AGO1: variants seen among roughly 807,000 people sequenced by gnomAD.
AGO1 encodes the protein argonaute RISC component 1.
In AGO1, 11 loss-of-function variants were observed where a neutral mutation model predicts 109.2. That is an observed-to-expected ratio of 0.10 (90% CI 0.06 to 0.17). The LOEUF (loss-of-function observed/expected upper bound fraction) is 0.17, where lower values mean the gene tolerates loss of function less well. Ranked by LOEUF, AGO1 falls within the 10% of genes least tolerant of loss-of-function variation. The pLI, the probability that AGO1 is intolerant of heterozygous loss-of-function variation, is 1.00. For synonymous variants in AGO1, 422 were observed against 418.6 expected, an observed-to-expected ratio of 1.01 and a Z score of -0.10; for missense variants, 574 against 1,140.3, an observed-to-expected ratio of 0.50 and a Z score of 7.15.
Position 35,888,027 on chromosome 1 carries a change from G to T in AGO1, c.26-400G>T, listed in dbSNP as rs1418172442. ...TATTCAGCATGGTGGCGAATGGAGTGAGCATCTGGCTGGCAGAGAATAGAA... is the reference window on the plus strand; with the variant it reads ...TATTCAGCATGGTGGCGAATGGAGTTAGCATCTGGCTGGCAGAGAATAGAA... On this transcript the variant is annotated intron_variant, in intron 1 of 18. Transcript: ENST00000373204. The surrounding 1 kb of genome is among the most constrained non-coding windows in gnomAD (Gnocchi z 4.1). Among the ~76,000 whole-genome samples the T allele has an allele frequency of 6.6e-6, 1 of 152,180 alleles. No individual in the cohort carries two copies. Among genetic ancestry groups the T allele is most frequent in the East Asian group, 1.9e-4 (1 of 5,196 alleles).
In AGO1 at chr1:35,893,451, C is replaced by A. The variant is rs1315791656; in HGVS notation, c.512+173C>A. ...ATATTTAGATGGTTTAAAGCCCTGG[C>A]CCTGAACTTCTTAGATATCTTTGGG... On this transcript the variant is annotated intron_variant, in intron 4 of 18. Transcript: ENST00000373204. This position sits in a 1 kb window ranked among gnomAD's most constrained non-coding sequence, Gnocchi z 5.6. 1.2e-6 allele frequency: 1 copy of A among 831,152 alleles called. No homozygotes were observed. Among genetic ancestry groups the A allele is most frequent in the Non-Finnish European group, 1.8e-6 (1 of 548,712 alleles). The allele number at this position is 831,152 out of a possible 1,614,324, so 51.5% of individuals were successfully genotyped here. A position where few individuals can be genotyped will look rare whatever the true frequency, so the allele number is the denominator to read the frequency against.
rs563824149 is a variant in AGO1, at chr1:35,893,050, C to T, written c.331-47C>T. ...AATCCATGGAGTTGGGGGTCATTCT[C>T]GCAGAGCAATGGCAATCCTTCATCC... On this transcript the variant is annotated intron_variant, in intron 3 of 18. Transcript: ENST00000373204. The surrounding 1 kb of genome is among the most constrained non-coding windows in gnomAD (Gnocchi z 5.6). 44 of 1,559,502 alleles carry T rather than the reference C, an allele frequency of 2.8e-5. 1 individual carries two copies. The South Asian group carries it at 3.9e-4, about 14-fold the overall frequency.
At chr1:35,873,069 T>A (rs993886538) in intron 1 of AGO1, among the ~76,000 whole-genome samples, 11 of 151,696 alleles carry the variant, frequency 7.3e-5, no homozygotes, top group Non-Finnish European at 1.6e-4. Flanking sequence ...TTTTTTTTTT[T>A]ATTGGAGTAT....
rs941259690 is a variant in AGO1 at position 35,920,812 on chromosome 1, A to G, written c.*1205A>G. 5.9e-5 allele frequency: 9 copies of G among 152,748 alleles called. No individual in the cohort carries two copies. Among genetic ancestry groups the G allele is most frequent in the African/African-American group, 2.2e-4 (9 of 41,574 alleles). The allele number at this position is 152,748 out of a possible 1,614,324, so 9.5% of individuals were successfully genotyped here. ...ATATTTCTTAACTGGGGTGTCTTATAACAAAAAACTCTTAGGTCTAAAATG... is the reference window on the plus strand; with the variant it reads ...ATATTTCTTAACTGGGGTGTCTTATGACAAAAAACTCTTAGGTCTAAAATG... On this transcript the variant is annotated 3_prime_UTR_variant, in exon 19 of 19. Coordinates refer to ENST00000373204, the MANE Select transcript of AGO1 (RefSeq NM_012199.5).
chr1:35,891,546 T>G (rs1433913927), intron 2 of AGO1, among the ~76,000 whole-genome samples: 1 of 152,160 alleles, frequency 6.6e-6, no homozygotes, highest in African/African-American at 2.4e-5. Context: ...TTGTTTTGTT[T>G]TGTTTTAATT....
Position 35,893,646 on chromosome 1 carries a change from G to T in AGO1, c.513-28G>T, listed in dbSNP as rs765039218. 2.5e-6 allele frequency: 4 copies of T among 1,589,810 alleles called. No individual in the cohort carries two copies. Among genetic ancestry groups the T allele is most frequent in the Non-Finnish European group, 3.4e-6 (4 of 1,164,486 alleles). On this transcript the variant is annotated intron_variant, in intron 4 of 18. Coordinates refer to ENST00000373204, the MANE Select transcript of AGO1 (RefSeq NM_012199.5). This position sits in a 1 kb window ranked among gnomAD's most constrained non-coding sequence, Gnocchi z 5.6. ...CACAGGGTGGGGGCCTGTGCCCGAG[G>T]GACCAGTTCTCTGCCTGTCCCTGCC...
chr1:35,919,833 C>T lies in AGO1; in HGVS notation c.*226C>T. 3.7e-6 allele frequency: 2 copies of T among 542,026 alleles called. No individual in the cohort carries two copies. Among genetic ancestry groups the T allele is most frequent in the South Asian group, 4.8e-5 (2 of 42,016 alleles). The allele number at this position is 542,026 out of a possible 1,614,324, so 33.6% of individuals were successfully genotyped here. A position where few individuals can be genotyped will look rare whatever the true frequency, so the allele number is the denominator to read the frequency against. The stretch of plus-strand genomic sequence containing the variant: ...AACCTCATGTCCCCCACCCCTCACC[C>T]CATCTTGTCACATCTGGCCCTGACC... On this transcript the variant is annotated 3_prime_UTR_variant, in exon 19 of 19. Coordinates refer to ENST00000373204, the MANE Select transcript of AGO1 (RefSeq NM_012199.5). The surrounding 1 kb of genome is among the most constrained non-coding windows in gnomAD (Gnocchi z 6.6).
chr1:35,881,793 G>C (rs1645039911), upstream of AGO1, among the ~76,000 whole-genome samples: 1 of 152,156 alleles, frequency 6.6e-6, no homozygotes, highest in Non-Finnish European at 1.5e-5. Context: ...TGTAAAGCAG[G>C]CATCAAAAAT....
chr1:35,876,225 T>C (rs1238451381), intron 1 of AGO1, among the ~76,000 whole-genome samples: 1 of 151,986 alleles, frequency 6.6e-6, no homozygotes, highest in East Asian at 1.9e-4. Context: ...AATCTCATGA[T>C]AAAACTTGAA....
intron 11 of AGO1, among the ~76,000 whole-genome samples, chr1:35,905,042 A>C (rs757249415): frequency 6.6e-6 from 1 of 152,230 alleles, no homozygotes; most frequent in Non-Finnish European, 1.5e-5. Context: ...TATCACCTTT[A>C]AGATGGGATT....
chr1:35,926,791 A>G lies in AGO1; in HGVS notation c.*7184A>G, dbSNP rs1299430009. On this transcript the variant is annotated 3_prime_UTR_variant, in exon 19 of 19. Transcript: ENST00000373204. ...ATTTGCTGGGGAATTAGATGCATTT[A>G]GTTTTCCACTTACGCACAACTGCCT... 6.6e-6 allele frequency: 1 copy of G among 152,166 alleles called. No individual in the cohort carries two copies. Among genetic ancestry groups the G allele is most frequent in the Non-Finnish European group, 1.5e-5 (1 of 68,038 alleles). 9.4% of individuals were successfully genotyped at this position (152,166 alleles called of 1,614,324 possible).
chr1:35,883,147 G>T (rs532639453), upstream of AGO1: 1 of 1,122,186 alleles, frequency 8.9e-7, no homozygotes, highest in East Asian at 5.0e-5. The surrounding 1 kb of genome is among the most constrained non-coding windows in gnomAD (Gnocchi z 5.4). Flanking sequence ...CTTTGTTGCC[G>T]TCGGAGCGCC....
chr1:35,911,803 TC>T (rs1645637448), intron 12 of AGO1, among the ~76,000 whole-genome samples: 1 of 152,140 alleles, frequency 6.6e-6, no homozygotes, highest in Non-Finnish European at 1.5e-5. Flanking sequence ...TATCACTAAC[TC>T]CAGAGGACAT....
At chr1:35,907,802 T>C (rs1298624154) in intron 12 of AGO1, among the ~76,000 whole-genome samples, 2 of 152,166 alleles carry the variant, frequency 1.3e-5, no homozygotes, top group African/African-American at 2.4e-5. Context: ...TACCATCTCT[T>C]TTAGCTTTTG....
upstream of AGO1, among the ~76,000 whole-genome samples, chr1:35,878,235 C>G (rs910200526): frequency 6.6e-6 from 1 of 152,026 alleles, no homozygotes; most frequent in Non-Finnish European, 1.5e-5. Flanking sequence ...AGGCACCCAC[C>G]ACCATGCCTG....
At chr1:35,913,707 G>A (rs1296011455) in intron 12 of AGO1, 135 bp from the exon 13 acceptor site, 8 of 793,696 alleles carry the variant, frequency 1.0e-5, no homozygotes, top group Non-Finnish European at 1.5e-5. Context: ...TATTTAGTAA[G>A]CACTTTGAGA....
In AGO1 at chr1:35,923,102, C is replaced by T. The variant is rs1002947890; in HGVS notation, c.*3495C>T. ...CAGTCCAACCTGATCCATTAGGGAT[C>T]GAGGTGCTACACTGGCCTCCAGGGA... On this transcript the variant is annotated 3_prime_UTR_variant, in exon 19 of 19. Transcript: ENST00000373204. 10 of 152,256 alleles carry T rather than the reference C, an allele frequency of 6.6e-5. No individual in the cohort carries two copies. Among genetic ancestry groups the T allele is most frequent in the Admixed American group, 1.3e-4 (2 of 15,294 alleles). The allele number at this position is 152,256 out of a possible 1,614,324, so 9.4% of individuals were successfully genotyped here.
chr1:35,886,530 C>G (rs1390509599), intron 1 of AGO1, among the ~76,000 whole-genome samples: 1 of 151,950 alleles, frequency 6.6e-6, no homozygotes, highest in East Asian at 1.9e-4. Context: ...TGTCCCATCC[C>G]CCATCATTTC....
At chr1:35,884,195 C>A (rs1200164784) in intron 1 of AGO1, among the ~76,000 whole-genome samples, 1 of 152,148 alleles carries the variant, frequency 6.6e-6, no homozygotes, top group African/African-American at 2.4e-5. Flanking sequence ...TCCCCTCCCC[C>A]ATTTTAGGGG....
Sources: allele counts gnomAD v4.1 joint callset (sites outside exome capture counted in the v4.1 genomes callset), GRCh38; gene constraint gnomAD v4.1.1; non-coding constraint Gnocchi (gnomAD v3.1); transcripts MANE v1.5; gene names NCBI Gene and HGNC (gene_info 2026-07-23, HGNC 2026-07-21).